Variants in MMP2 observed in about 807,000 individuals in gnomAD.
The protein encoded by MMP2 is matrix metallopeptidase 2.
Under a neutral mutation model 74.8 loss-of-function variants are expected in MMP2, and 39 were observed. That is an observed-to-expected ratio of 0.52 (90% confidence interval 0.40 to 0.68). MMP2 has a LOEUF of 0.68. Among genes scored for constraint, MMP2 ranks in the 30% least tolerant of loss-of-function variants. The probability of loss-of-function intolerance (pLI) is 0.00; values close to 1 mark genes in which losing one functional copy is unlikely to be tolerated. For synonymous variants in MMP2, 367 were observed against 339.8 expected (o/e 1.08, Z -0.88); for missense variants, 803 against 878.3 (o/e 0.91, Z 1.08).
In MMP2 at chr16:55,479,373, C is replaced by T; in HGVS notation, c.-107C>T. On this transcript the variant is annotated 5_prime_UTR_variant, in exon 1 of 13. Transcript: ENST00000219070. ...CCAGGCCACCGAGCCAGCGGACCCT[C>T]GGAGCGCAGCCCTGCGCCGCGGAGC... 3.9e-6 allele frequency: 5 copies of T among 1,272,550 alleles called. No individual in the cohort carries two copies. Among genetic ancestry groups the T allele is most frequent in the Non-Finnish European group, 5.0e-6 (5 of 997,898 alleles). The allele number at this position is 1,272,550 out of a possible 1,614,324, so 78.8% of individuals were successfully genotyped here.
At chr16:55,480,471 C>G (rs546019795) in intron 1 of MMP2, 3 of 152,318 alleles carry the variant, frequency 2.0e-5, no homozygotes, top group Admixed American at 6.5e-5. Context: ...GACTGCGCTC[C>G]GCTCGGGTCG....
At chr16:55,502,721 A>AG (rs372467068) in intron 11 of MMP2, 58 bp from the exon 12 acceptor site, 2 of 1,489,392 alleles carry the variant, frequency 1.3e-6, no homozygotes, top group South Asian at 1.1e-5. Context: ...CATCCAGGCC[A>AG]GGGGGGAAGT....
At chr16:55,502,116 C>T (rs1488524081) in intron 11 of MMP2, among the ~76,000 whole-genome samples, 2 of 152,188 alleles carry the variant, frequency 1.3e-5, no homozygotes, top group Non-Finnish European at 2.9e-5. Flanking sequence ...CTGTGACTAA[C>T]AGGCCTTGGA....
At position 55,502,897 on chromosome 16, in the gene MMP2, C is replaced by G; in HGVS notation, c.1879+9C>G. 6.2e-7 allele frequency: 1 copy of G among 1,608,776 alleles called. No individual in the cohort carries two copies. Among genetic ancestry groups the G allele is most frequent in the East Asian group, 2.2e-5 (1 of 44,872 alleles). The stretch of plus-strand genomic sequence containing the variant: ...GGACCTGCAGGGCGGCGGTGAGCCA[C>G]CCAGGACTGTCTCCGCTTTCTAGGA... On this transcript the variant is annotated intron_variant, in intron 12 of 12. Transcript: ENST00000219070.
At position 55,479,429 on chromosome 16, in the gene MMP2, C is replaced by G. The variant is rs919073249; in HGVS notation, c.-51C>G. 4.9e-6 allele frequency: 7 copies of G among 1,420,408 alleles called. No individual in the cohort carries two copies. In the African/African-American group the frequency reaches 9.1e-5, roughly 18 times the overall value. 88.0% of individuals were successfully genotyped at this position (1,420,408 alleles called of 1,614,324 possible). ...CCAACCAGGCGGCGAGGCGGCCACA[C>G]GCACCGAGCCAGCGACCCCCGGGCG... On this transcript the variant is annotated 5_prime_UTR_variant, in exon 1 of 13. Coordinates refer to ENST00000219070, the MANE Select transcript of MMP2 (RefSeq NM_004530.6).
In MMP2 at chr16:55,505,707, G is replaced by C; in HGVS notation, c.*265G>C. On this transcript the variant is annotated 3_prime_UTR_variant, in exon 13 of 13. Coordinates refer to ENST00000219070, the MANE Select transcript of MMP2 (RefSeq NM_004530.6). ...AGAGCCACCCCTAAAGAGATACTTTGATATTTTCAACGCAGCCCTGCTTTG... is the reference window on the plus strand; with the variant it reads ...AGAGCCACCCCTAAAGAGATACTTTCATATTTTCAACGCAGCCCTGCTTTG... The C allele has an allele frequency of 1.9e-6, 1 of 533,012 alleles. No homozygotes were observed. The highest frequency in any genetic ancestry group is 3.4e-6 in the Non-Finnish European group (1 of 293,978). The allele number at this position is 533,012 out of a possible 1,614,324, so 33.0% of individuals were successfully genotyped here. A position where few individuals can be genotyped will look rare whatever the true frequency, so the allele number is the denominator to read the frequency against.
At chr16:55,484,879 A>T (rs1028312393) in intron 3 of MMP2, among the ~76,000 whole-genome samples, 1 of 152,208 alleles carries the variant, frequency 6.6e-6, no homozygotes, top group Non-Finnish European at 1.5e-5. Flanking sequence ...ATGAGGATTC[A>T]TGTTGCAGAT....
intron 6 of MMP2, 189 bp downstream of exon 6, chr16:55,488,905 C>T: frequency 1.5e-6 from 1 of 654,258 alleles, no homozygotes; most frequent in South Asian, 1.8e-5. Flanking sequence ...ATGGCCTGGG[C>T]ACTGAAATCA....
chr16:55,482,437 T>G (rs1308386732), intron 1 of MMP2, among the ~76,000 whole-genome samples: 1 of 152,036 alleles, frequency 6.6e-6, no homozygotes, highest in African/African-American at 2.4e-5. Flanking sequence ...TTGATAGAGG[T>G]AAAGGAAGGA....
In MMP2 at chr16:55,485,574, C is replaced by T. The variant is rs746195101; in HGVS notation, c.659-30C>T. ...GTCTCCAAAGAAGGCCTGGAGAAGT[C>T]CAACCTCCCCCTTCCATGTCACTCT... On this transcript the variant is annotated intron_variant, in intron 4 of 12. Coordinates refer to ENST00000219070, the MANE Select transcript of MMP2 (RefSeq NM_004530.6). The T allele has an allele frequency of 1.2e-5, 20 of 1,613,916 alleles. No individual in the cohort carries two copies. In the East Asian group the frequency reaches 3.3e-4, roughly 27 times the overall value.
intron 5 of MMP2, among the ~76,000 whole-genome samples, chr16:55,486,349 G>GCC (rs1962256364): frequency 2.5e-3 from 135 of 53,926 alleles, no homozygotes; most frequent in African/African-American, 8.3e-3. Flanking sequence ...GTGTGTGCCT[G>GCC]TGTGTGTGTG....
At chr16:55,485,887 T>A in intron 5 of MMP2, 110 bp downstream of exon 5, 1 of 1,147,332 alleles carries the variant, frequency 8.7e-7, no homozygotes, top group Non-Finnish European at 1.3e-6. Flanking sequence ...CCACTGCCAG[T>A]TAATGAGCAT....
rs770527117 is a variant in MMP2 at position 55,485,624 on chromosome 16, A to G, written c.679A>G (p.Asn227Asp). 8.1e-6 allele frequency: 13 copies of G among 1,614,126 alleles called. No individual in the cohort carries two copies. Among genetic ancestry groups the G allele is most frequent in the Non-Finnish European group, 1.1e-5 (13 of 1,180,028 alleles). The change falls in exon 5 of 13, where the codon AAC (asparagine) becomes GAC (aspartate). Residue 227 changes from asparagine to aspartate, a missense_variant. Around this residue, in one of 3 missense-constraint regions of MMP2, gnomAD observed 555 missense variants for 592.0 expected, o/e 0.94. Coordinates refer to ENST00000219070, the MANE Select transcript of MMP2 (RefSeq NM_004530.6). The stretch of plus-strand genomic sequence containing the variant: ...TTTAGTGGTCCGTGTGAAGTATGGG[A>G]ACGCCGATGGGGAGTACTGCAAGTT... ...EGQVVRVKYG[N>D]ADGEYCKFPF...
At chr16:55,489,934 C>A in intron 7 of MMP2, 110 bp downstream of exon 7, 3 of 1,280,490 alleles carry the variant, frequency 2.3e-6, no homozygotes, top group Non-Finnish European at 3.3e-6. Context: ...ACACTGCCCC[C>A]CAGACACCCA....
intron 7 of MMP2, 64 bp downstream of exon 7, chr16:55,489,888 A>G: frequency 1.3e-6 from 2 of 1,568,298 alleles, no homozygotes; most frequent in South Asian, 1.1e-5. Context: ...ACTTGCTCCA[A>G]AAACCTTCCT....
intron 8 of MMP2, among the ~76,000 whole-genome samples, chr16:55,492,820 A>G (rs1186068751): frequency 1.3e-5 from 2 of 152,156 alleles, no homozygotes; most frequent in African/African-American, 4.8e-5. Context: ...TTGTGGGCAT[A>G]AGAATCTGAG....
intron 3 of MMP2, 92 bp from the exon 4 acceptor site, chr16:55,485,207 T>C: frequency 6.3e-7 from 1 of 1,576,318 alleles, no homozygotes; most frequent in Non-Finnish European, 8.7e-7. Context: ...AGATGCTGGG[T>C]GGGCTGACAG....
chr16:55,482,977 AAAG>A lies in MMP2; in HGVS notation c.227_229del (p.Lys76del). On this transcript the variant is annotated inframe_deletion, in exon 2 of 13. Transcript: ENST00000219070. ...ACCTGTTTGTGCTGAAGGACACACT[AAAG>A]AAGATGCAGAAGTTCTTTGGACTGC... 1 of 1,614,192 alleles carries A rather than the reference AAAG, an allele frequency of 6.2e-7. No individual in the cohort carries two copies. The highest frequency in any genetic ancestry group is 2.2e-5 in the East Asian group (1 of 44,878).
chr16:55,489,643 C>A lies in MMP2; in HGVS notation c.1007-8C>A. ...GCTGCGCCTTGACCCGTATCCCTAA[C>A]CCCACAGCCATGTCCACTGTTGGTG... On this transcript the variant is annotated splice_region_variant and splice_polypyrimidine_tract_variant and intron_variant, in intron 6 of 12. Coordinates refer to ENST00000219070, the MANE Select transcript of MMP2 (RefSeq NM_004530.6). 1.2e-6 allele frequency: 2 copies of A among 1,614,012 alleles called. No individual in the cohort carries two copies. The highest frequency in any genetic ancestry group is 8.5e-7 in the Non-Finnish European group (1 of 1,180,014).
Sources: gnomAD v4.1 joint callset for allele counts (sites outside exome capture counted in the v4.1 genomes callset) on GRCh38, gnomAD v4.1.1 for gene constraint, gnomAD v4.1.1 regional missense constraint, MANE v1.5 for transcripts, NCBI Gene and HGNC (gene_info 2026-07-23, HGNC 2026-07-21) for gene names.